DPPA3: variants seen among roughly 807,000 people sequenced by gnomAD.
The protein encoded by DPPA3 is developmental pluripotency-associated protein 3.
Under a neutral mutation model 15.6 loss-of-function variants are expected in DPPA3, and 9 were observed. That is an observed-to-expected ratio of 0.58 (90% confidence interval 0.35 to 1.01). The LOEUF (loss-of-function observed/expected upper bound fraction) is 1.01, where lower values mean the gene tolerates loss of function less well. DPPA3 is among the 50% of genes least tolerant of loss of function. The pLI, the probability that DPPA3 is intolerant of heterozygous loss-of-function variation, is 0.02. For synonymous variants in DPPA3, 61 were observed against 70.9 expected (o/e 0.86, Z 0.70); for missense variants, 148 against 194.6 (o/e 0.76, Z 1.42).
At chr12:7,713,372 T>A (rs1864366564) in intron 1 of DPPA3, among the ~76,000 whole-genome samples, 1 of 152,200 alleles carries the variant, frequency 6.6e-6, no homozygotes, top group South Asian at 2.1e-4. Flanking sequence ...CTCCCTTTCC[T>A]TGCGTCTGCC....
intron 1 of DPPA3, among the ~76,000 whole-genome samples, chr12:7,714,767 C>T (rs1864379854): frequency 6.6e-6 from 1 of 151,942 alleles, no homozygotes; most frequent in Non-Finnish European, 1.5e-5. Flanking sequence ...GACTAGAGTG[C>T]AGTGGCGCGA....
At chr12:7,712,666 T>C (rs1420838498) in intron 1 of DPPA3, among the ~76,000 whole-genome samples, 1 of 152,174 alleles carries the variant, frequency 6.6e-6, no homozygotes, top group Non-Finnish European at 1.5e-5. Flanking sequence ...CAGACTGGTC[T>C]CGATCTCCTG....
chr12:7,713,534 A>T (rs1352026931), intron 1 of DPPA3, among the ~76,000 whole-genome samples: 2 of 152,196 alleles, frequency 1.3e-5, no homozygotes, highest in Non-Finnish European at 2.9e-5. Flanking sequence ...GCAGTTAACG[A>T]TAACCTTCTT....
At chr12:7,711,864 A>T (rs1558534) in intron 1 of DPPA3, among the ~76,000 whole-genome samples, 148,652 of 149,974 alleles carry the variant, frequency 0.99, 73,686 homozygotes, top group Middle Eastern at 1. Flanking sequence ...GTGGTGAGAA[A>T]TGTATTATTT....
chr12:7,712,211 G>A (rs1280753740), intron 1 of DPPA3, among the ~76,000 whole-genome samples: 4 of 151,144 alleles, frequency 2.6e-5, no homozygotes, highest in African/African-American at 2.4e-5. Flanking sequence ...CACTGCGCCC[G>A]GCCAGTACTT....
At position 7,715,273 on chromosome 12, in the gene DPPA3, A is replaced by G. The variant is rs1344674574; in HGVS notation, c.173A>G (p.Glu58Gly). 6.2e-7 allele frequency: 1 copy of G among 1,613,828 alleles called. No individual in the cohort carries two copies. Among genetic ancestry groups the G allele is most frequent in the Non-Finnish European group, 8.5e-7 (1 of 1,179,894 alleles). ...ASSESVSPLS[E>G]ALLRRESVGA... is the part of the protein sequence containing the mutation. ...AGCGAATCTGTTTCCCCTCTATCGGAAGCTTTACTCCGTCGAGAGTCTGTA... is the reference window on the plus strand; with the variant it reads ...AGCGAATCTGTTTCCCCTCTATCGGGAGCTTTACTCCGTCGAGAGTCTGTA... Residue 58 changes from glutamate (E) to glycine (G), a missense_variant, in exon 2 of 4, where the codon GAA becomes GGA. Physicochemically the swap from Glu to Gly is moderately conservative, Grantham distance 98. Transcript: ENST00000345088.
At chr12:7,711,712 G>C (rs1439337391) in intron 1 of DPPA3, 60 bp downstream of exon 1, 3 of 810,894 alleles carry the variant, frequency 3.7e-6, no homozygotes, top group East Asian at 4.3e-5. Context: ...AGGTCAAAAG[G>C]CTGCCGTCTT....
chr12:7,714,476 TATC>T (rs1032925098), intron 1 of DPPA3, among the ~76,000 whole-genome samples: 17 of 152,106 alleles, frequency 1.1e-4, no homozygotes, highest in African/African-American at 3.9e-4. Context: ...TCAACTGTGT[TATC>T]ATGTGCCCCT....
At chr12:7,715,114 G>A (rs539889249) in intron 1 of DPPA3, 69 bp from the exon 2 acceptor site, 2 of 1,606,556 alleles carry the variant, frequency 1.2e-6, no homozygotes, top group African/African-American at 2.7e-5. Flanking sequence ...CCTGCTTAAG[G>A]GCAGACCTAG....
intron 2 of DPPA3, among the ~76,000 whole-genome samples, chr12:7,715,852 TGGGAG>T (rs1194602079): frequency 1.3e-5 from 2 of 151,922 alleles, no homozygotes; most frequent in Admixed American, 1.3e-4. Flanking sequence ...AAGGCTGAGG[TGGGAG>T]GATCACCTGA....
Position 7,711,669 on chromosome 12 carries a change from C to G in DPPA3, c.82+17C>G. ...ACGATTCAGGTAAGCCAGATAATGC[C>G]CTTCTTGACTATCTGACTATAGGGG... On this transcript the variant is annotated intron_variant, in intron 1 of 3. Coordinates refer to ENST00000345088, the MANE Select transcript of DPPA3 (RefSeq NM_199286.4). 6.3e-7 allele frequency: 1 copy of G among 1,595,652 alleles called. No homozygotes were observed. Among genetic ancestry groups the G allele is most frequent in the Non-Finnish European group, 8.6e-7 (1 of 1,169,408 alleles).
At chr12:7,715,002 C>T (rs1204236532) in intron 1 of DPPA3, among the ~76,000 whole-genome samples, 181 bp from the exon 2 acceptor site, 1 of 152,122 alleles carries the variant, frequency 6.6e-6, no homozygotes, top group Non-Finnish European at 1.5e-5. Context: ...CGTGAGCCAC[C>T]GCGCTGGGCT....
chr12:7,716,382 G>T, intron 3 of DPPA3, 143 bp downstream of exon 3: 2 of 631,018 alleles, frequency 3.2e-6, no homozygotes, highest in Non-Finnish European at 2.7e-6. Context: ...CTCTGGATAA[G>T]TCAGTTCATG....
At chr12:7,713,928 C>A (rs1430712315) in intron 1 of DPPA3, among the ~76,000 whole-genome samples, 3 of 152,164 alleles carry the variant, frequency 2.0e-5, no homozygotes, top group Non-Finnish European at 4.4e-5. Context: ...TGGGAGGATC[C>A]CTTGAGCCTG....
chr12:7,711,689 T>TA (rs1196581289), intron 1 of DPPA3, 37 bp downstream of exon 1: 1 of 1,503,502 alleles, frequency 6.7e-7, no homozygotes, highest in East Asian at 2.4e-5. Flanking sequence ...TATCTGACTA[T>TA]AGGGGGGTTG....
Position 7,717,217 on chromosome 12 carries a change from T to C in DPPA3, c.*140T>C. ...TATTTTTCTTGTATCTTTTTCTTCC[T>C]ACTATGATACTAGTAATTCATAAGG... is the stretch of plus-strand genomic sequence containing the variant. On this transcript the variant is annotated 3_prime_UTR_variant, in exon 4 of 4. Transcript: ENST00000345088. The C allele has an allele frequency of 1.6e-6, 1 of 622,792 alleles. No homozygotes were observed. Among genetic ancestry groups the C allele is most frequent in the South Asian group, 2.2e-5 (1 of 45,450 alleles). 38.6% of individuals were successfully genotyped at this position (622,792 alleles called of 1,614,324 possible).
chr12:7,714,331 C>G (rs938221039), intron 1 of DPPA3, among the ~76,000 whole-genome samples: 2 of 152,120 alleles, frequency 1.3e-5, no homozygotes, highest in African/African-American at 4.8e-5. Flanking sequence ...TGTAAGTGAT[C>G]AAGTGCCACA....
intron 1 of DPPA3, among the ~76,000 whole-genome samples, chr12:7,712,800 T>G (rs1045044400): frequency 6.6e-6 from 1 of 152,198 alleles, no homozygotes; most frequent in African/African-American, 2.4e-5. Context: ...TTGCCCAGGC[T>G]GGTATCGAAC....
chr12:7,716,949 TTCA>T lies in DPPA3; in HGVS notation c.370-13_370-11del. On this transcript the variant is annotated splice_polypyrimidine_tract_variant and intron_variant, in intron 3 of 3. Transcript: ENST00000345088. ...GGGTACAATATTCCAATTAATCCAT[TTCA>T]TCATTTTTTTTCAGAAGGAATCAAG... is the stretch of plus-strand genomic sequence containing the variant. 2 of 1,591,800 alleles carry T rather than the reference TTCA, an allele frequency of 1.3e-6. No homozygotes were observed. Among genetic ancestry groups the T allele is most frequent in the Non-Finnish European group, 1.7e-6 (2 of 1,159,990 alleles).
Sources: allele counts gnomAD v4.1 joint callset (sites outside exome capture counted in the v4.1 genomes callset), GRCh38; gene constraint gnomAD v4.1.1; transcripts MANE v1.5; gene names NCBI Gene and HGNC (gene_info 2026-07-23, HGNC 2026-07-21).